FSD2: variants seen among roughly 807,000 people sequenced by gnomAD.
FSD2 encodes fibronectin type III and SPRY domain-containing protein 2.
A neutral mutation model predicts 80.4 loss-of-function variants in FSD2; 71 were observed. That is an observed-to-expected ratio of 0.88 (90% CI 0.73 to 1.08). The LOEUF (loss-of-function observed/expected upper bound fraction) is 1.08, where lower values mean the gene tolerates loss of function less well. Ranked by LOEUF, FSD2 falls within the 50% of genes least tolerant of loss-of-function variation. The pLI, the probability that FSD2 is intolerant of heterozygous loss-of-function variation, is 0.00. For missense variants in FSD2, 923 were observed against 913.8 expected (o/e 1.01, Z -0.13); for synonymous variants, 361 against 329.5 (o/e 1.10, Z -1.03).
In FSD2 at chr15:82,766,033, T is replaced by A; in HGVS notation, c.1554-2A>T. ...CAGGTCGGGATGCCCACAACAGACC[T>A]GTACAAGGAAGCAGAGCTGCAGTCA... is the stretch of plus-strand genomic sequence containing the variant. On this transcript the variant is annotated splice_acceptor_variant, in intron 9 of 12. Coordinates refer to ENST00000334574, the MANE Select transcript of FSD2 (RefSeq NM_001007122.4). LOFTEE classifies it high-confidence loss of function. 3 of 1,578,086 alleles carry A rather than the reference T, an allele frequency of 1.9e-6. No homozygotes were observed. Among genetic ancestry groups the A allele is most frequent in the South Asian group, 1.2e-5 (1 of 86,124 alleles).
At chr15:82,769,614 TAAATA>T (rs1027493409) in intron 8 of FSD2, 131 bp downstream of exon 8, 2 of 1,102,004 alleles carry the variant, frequency 1.8e-6, no homozygotes, top group African/African-American at 1.6e-5. Flanking sequence ...TTTTGTGTGT[TAAATA>T]AAAGAAAAAA....
At position 82,786,756 on chromosome 15, in the gene FSD2, G is replaced by T; in HGVS notation, c.635C>A (p.Ala212Asp). ...GAACCAAGGACACCTATTTACCTTG[G>T]CACTTTCCAGTGCTTCATTGAGTGG... ...VIPLNEALES[A>D]KDEIHKNMYK... is the part of the protein sequence containing the mutation. The change falls in exon 2 of 13, where the codon GCC becomes GAC. Residue 212 changes from alanine (A) to aspartate (D), a missense_variant. Ala to Asp is a moderately radical substitution (Grantham distance 126, BLOSUM62 -2). Transcript: ENST00000334574. 6.2e-7 allele frequency: 1 copy of T among 1,613,020 alleles called. No homozygotes were observed. Among genetic ancestry groups the T allele is most frequent in the Non-Finnish European group, 8.5e-7 (1 of 1,179,304 alleles).
chr15:82,798,541 CAT>C (rs560849098), intron 1 of FSD2, among the ~76,000 whole-genome samples: 1 of 151,936 alleles, frequency 6.6e-6, no homozygotes, highest in Admixed American at 6.6e-5. Flanking sequence ...TTTAACATGA[CAT>C]ATATATATAA....
intron 6 of FSD2, among the ~76,000 whole-genome samples, chr15:82,774,481 T>C (rs2151501977): frequency 6.6e-6 from 1 of 152,330 alleles, no homozygotes; most frequent in South Asian, 2.1e-4. Flanking sequence ...ATGTCCATTT[T>C]TACAGATGAA....
At position 82,786,983 on chromosome 15, in the gene FSD2, C is replaced by T; in HGVS notation, c.408G>A (p.Gly136=). ...AAEAEDLGFG[G]WGSAGQCQDL... is the part of the protein sequence containing the mutation. ...CCTGGCACTGGCCTGCTGAGCCCCACCCTCCGAAGCCCAGGTCCTCGGCCT... is the reference window on the plus strand; with the variant it reads ...CCTGGCACTGGCCTGCTGAGCCCCATCCTCCGAAGCCCAGGTCCTCGGCCT... Residue 136 remains glycine (G), a synonymous_variant, in exon 2 of 13, where the codon GGG becomes GGA. Transcript: ENST00000334574. 1 of 1,614,016 alleles carries T rather than the reference C, an allele frequency of 6.2e-7. No homozygotes were observed. The highest frequency in any genetic ancestry group is 8.5e-7 in the Non-Finnish European group (1 of 1,179,894).
chr15:82,759,642 T>C (rs765975562), intron 12 of FSD2, 42 bp from the exon 13 acceptor site: 1 of 1,436,236 alleles, frequency 7.0e-7, no homozygotes, highest in African/African-American at 1.4e-5. Context: ...AGTAATTCTA[T>C]AGATTGACTA....
Position 82,769,755 on chromosome 15 carries a change from A to C in FSD2, c.1397T>G (p.Met466Arg). ...PSPSSERAVY[M>R]TAPSPPIIKT... Reference sequence around the variant, plus strand: ...GGAAATGAGTAGCCCATTACCTGTCATGTACACTGCACGCTCGCTAGAGGG... The same window carrying C: ...GGAAATGAGTAGCCCATTACCTGTCCTGTACACTGCACGCTCGCTAGAGGG... The change falls in exon 8 of 13, where the codon ATG becomes AGG. Residue 466 changes from methionine to arginine, a missense_variant. Coordinates refer to ENST00000334574, the MANE Select transcript of FSD2 (RefSeq NM_001007122.4). The C allele has an allele frequency of 1.9e-6, 3 of 1,613,652 alleles. No individual in the cohort carries two copies. Among genetic ancestry groups the C allele is most frequent in the Middle Eastern group, 1.7e-4 (1 of 6,058 alleles).
At chr15:82,783,909 CAA>C (rs1392252211) in intron 3 of FSD2, among the ~76,000 whole-genome samples, 1 of 152,114 alleles carries the variant, frequency 6.6e-6, no homozygotes, top group East Asian at 1.9e-4. Context: ...AGGGTTCTGA[CAA>C]TATTAATCCA....
At chr15:82,772,395 G>A (rs977164472) in intron 6 of FSD2, among the ~76,000 whole-genome samples, 167 bp from the exon 7 acceptor site, 2 of 152,192 alleles carry the variant, frequency 1.3e-5, no homozygotes, top group Admixed American at 1.3e-4. Flanking sequence ...TCAACCATGA[G>A]TCTGCAAAAT....
Position 82,769,019 on chromosome 15 carries a change from G to A in FSD2, c.1414C>T (p.Pro472Ser), listed in dbSNP as rs766994537. The change falls in exon 9 of 13, where the codon CCC becomes TCC. Residue 472 changes from proline to serine, a missense_variant. Coordinates refer to ENST00000334574, the MANE Select transcript of FSD2 (RefSeq NM_001007122.4). ...CTTATCTCTTTGGTTTTAATAATGG[G>A]GGGAGAAGGTGCTAAATGTGGGAGA... ...RAVYMTAPSP[P>S]IIKTKEIRSC... 7.6e-6 allele frequency: 12 copies of A among 1,582,558 alleles called. No individual in the cohort carries two copies. In the Admixed American group the frequency reaches 1.3e-4, roughly 17 times the overall value.
chr15:82,790,444 A>T (rs747502500), intron 1 of FSD2, among the ~76,000 whole-genome samples: 6 of 152,112 alleles, frequency 3.9e-5, no homozygotes, highest in Non-Finnish European at 7.3e-5. Flanking sequence ...TTCCTCTAAT[A>T]AAATTATTTT....
At chr15:82,774,911 G>A (rs894914536) in intron 6 of FSD2, among the ~76,000 whole-genome samples, 2 of 151,166 alleles carry the variant, frequency 1.3e-5, no homozygotes, top group African/African-American at 2.4e-5. Context: ...TAGTAGAGAC[G>A]GGGTTTCACC....
At chr15:82,784,031 A>G (rs942400217) in intron 3 of FSD2, among the ~76,000 whole-genome samples, 60 of 152,140 alleles carry the variant, frequency 3.9e-4, no homozygotes, top group Non-Finnish European at 2.6e-4. Context: ...TGATGGGGAC[A>G]TTTCCAAGGA....
At chr15:82,803,879 C>A (rs539711266) in intron 1 of FSD2, among the ~76,000 whole-genome samples, 1 of 152,144 alleles carries the variant, frequency 6.6e-6, no homozygotes, top group Non-Finnish European at 1.5e-5. Flanking sequence ...GGAAGTATGA[C>A]TTCAGGAAAA....
intron 1 of FSD2, among the ~76,000 whole-genome samples, 195 bp from the exon 2 acceptor site, chr15:82,787,663 GA>G (rs2050036438): frequency 6.6e-6 from 1 of 151,434 alleles, no homozygotes; most frequent in Non-Finnish European, 1.5e-5. Flanking sequence ...AGAGACAAAA[GA>G]AATTACAAAA....
intron 4 of FSD2, 132 bp from the exon 5 acceptor site, chr15:82,780,399 A>AGG: frequency 6.3e-5 from 38 of 601,508 alleles, no homozygotes; most frequent in South Asian, 1.5e-4. Flanking sequence ...CAATGGCACA[A>AGG]TCTCGGCTCA....
At chr15:82,784,844 G>T (rs575326771) in intron 3 of FSD2, among the ~76,000 whole-genome samples, 1 of 152,264 alleles carries the variant, frequency 6.6e-6, no homozygotes, top group East Asian at 1.9e-4. Context: ...AGTCCTGGTT[G>T]ACCTCATCTG....
In FSD2 at chr15:82,759,587, A is replaced by G. The variant is rs1039325106; in HGVS notation, c.2011T>C (p.Phe671Leu). 1.9e-6 allele frequency: 3 copies of G among 1,579,050 alleles called. No homozygotes were observed. The highest frequency in any genetic ancestry group is 1.9e-5 in the Admixed American group (1 of 53,886). Residue 671 changes from phenylalanine (F) to leucine (L), a missense_variant, in exon 13 of 13, where the codon TTT becomes CTT. Transcript: ENST00000334574. ...TCTGGAGTTGTTCTGTTGTGCAGAAATTCATACTTATGCCTGAAAATTAAA... is the reference window on the plus strand; with the variant it reads ...TCTGGAGTTGTTCTGTTGTGCAGAAGTTCATACTTATGCCTGAAAATTAAA... ...TFASSRHKYEFLHNRTTPDIR... is the reference protein window; with the variant it reads ...TFASSRHKYELLHNRTTPDIR...
intron 1 of FSD2, among the ~76,000 whole-genome samples, chr15:82,800,690 T>TAAAA (rs1448215202): frequency 7.2e-5 from 1 of 13,854 alleles, no homozygotes; most frequent in African/African-American, 2.6e-4. Context: ...AGATTCTGTC[T>TAAAA]CAAAAAAAAA....
Sources: allele counts gnomAD v4.1 joint callset (sites outside exome capture counted in the v4.1 genomes callset), GRCh38; gene constraint gnomAD v4.1.1; transcripts MANE v1.5; gene names NCBI Gene and HGNC (gene_info 2026-07-23, HGNC 2026-07-21).